CCDC9: variants seen among roughly 807,000 people sequenced by gnomAD.
CCDC9 encodes the protein coiled-coil domain-containing protein 9.
In CCDC9, 52 loss-of-function variants were observed where a neutral mutation model predicts 65.6. The observed-to-expected ratio is 0.79, with a 90% CI of 0.63 to 1.00. CCDC9 has a LOEUF of 1.00. CCDC9 is among the 50% of genes least tolerant of loss of function. The probability of loss-of-function intolerance (pLI) is 0.00; values close to 1 mark genes in which losing one functional copy is unlikely to be tolerated. For synonymous variants in CCDC9, 332 were observed against 280.3 expected (o/e 1.18, Z -1.84); for missense variants, 834 against 757.2 (o/e 1.10, Z -1.19).
In CCDC9 at chr19:47,271,905, G is replaced by A; in HGVS notation, c.*227G>A. On this transcript the variant is annotated 3_prime_UTR_variant, in exon 12 of 12. Transcript: ENST00000221922. ...TCTGGAATGTCCACTCCCAGAGCCT[G>A]CCCCAGCCCTTCGAGCCCCCTCCCC... The A allele has an allele frequency of 1.5e-6, 2 of 1,307,522 alleles. No individual in the cohort carries two copies. The highest frequency in any genetic ancestry group is 1.9e-6 in the Non-Finnish European group (2 of 1,030,598). 81.0% of individuals were successfully genotyped at this position (1,307,522 alleles called of 1,614,324 possible). A position where few individuals can be genotyped will look rare whatever the true frequency, so the allele number is the denominator to read the frequency against.
At position 47,264,832 on chromosome 19, in the gene CCDC9, C is replaced by G; in HGVS notation, c.606C>G (p.Ser202Arg). 1 of 1,553,762 alleles carries G rather than the reference C, an allele frequency of 6.4e-7. No individual in the cohort carries two copies. The highest frequency in any genetic ancestry group is 1.2e-5 in the South Asian group (1 of 81,512). ...TCCTGGACGACCCCCGGCGACGCAG[C>G]GGGCCCCTGGAGGAGTCTGAGCGGG... The part of the protein sequence containing the change: ...RNFLDDPRRR[S>R]GPLEESERDR... Residue 202 changes from serine to arginine, a missense_variant, in exon 7 of 12, where the codon AGC becomes AGG. Coordinates refer to ENST00000221922, the MANE Select transcript of CCDC9 (RefSeq NM_015603.3).
downstream of CCDC9, chr19:47,275,110 CCGCCGGCCCACAGCCCAGCG>C (rs1054107324): frequency 7.4e-6 from 11 of 1,493,892 alleles, no homozygotes; most frequent in Admixed American, 6.7e-5. Context: ...CCCGCGGCAC[CCGCCGGCCCACAGCCCAGCG>C]CGCCGTCCCC....
At chr19:47,270,487 G>T (rs1568641327) in intron 9 of CCDC9, 34 bp downstream of exon 9, 1 of 1,614,188 alleles carries the variant, frequency 6.2e-7, no homozygotes. Context: ...CTGAGGCTCG[G>T]TCTGGGAGTC....
chr19:47,275,162 C>T, downstream of CCDC9: 4 of 1,477,904 alleles, frequency 2.7e-6, no homozygotes, highest in Non-Finnish European at 3.6e-6. Flanking sequence ...CCCGCCCGGG[C>T]GTGCCGCCTG....
chr19:47,275,155 G>T (rs1055218), downstream of CCDC9: 491,968 of 1,481,784 alleles, frequency 0.33, 84,067 homozygotes, highest in East Asian at 0.6. Flanking sequence ...TGTGCTGCCC[G>T]CCCGGGCGTG....
chr19:47,271,997 CT>C (rs2059127384), downstream of CCDC9: 2 of 1,244,910 alleles, frequency 1.6e-6, no homozygotes, highest in African/African-American at 1.5e-5. Context: ...TCAACTCCCC[CT>C]GGGCCTTCTC....
chr19:47,259,796 G>A lies in CCDC9; in HGVS notation c.109-525G>A, dbSNP rs2059033035. Among the ~76,000 whole-genome samples the A allele has an allele frequency of 2.6e-5, 4 of 152,352 alleles. No homozygotes were observed. In the South Asian group the frequency reaches 6.2e-4, roughly 24 times the overall value. ...CCGTAGTGGAGGAAGCAGACAGTGA[G>A]CGAGACGCATATGGTGCTGGGTGCA... On this transcript the variant is annotated intron_variant, in intron 3 of 11. Coordinates refer to ENST00000221922, the MANE Select transcript of CCDC9 (RefSeq NM_015603.3).
intron 5 of CCDC9, 54 bp from the exon 6 acceptor site, chr19:47,264,549 C>A (rs563354885): frequency 6.6e-7 from 1 of 1,512,336 alleles, no homozygotes; most frequent in African/African-American, 1.4e-5. Flanking sequence ...TCTCCTGCAC[C>A]GGCAGCTTAA....
At chr19:47,259,987 C>T (rs1359381158) in intron 3 of CCDC9, among the ~76,000 whole-genome samples, 1 of 152,166 alleles carries the variant, frequency 6.6e-6, no homozygotes, top group Non-Finnish European at 1.5e-5. Flanking sequence ...CGCAAAGCCC[C>T]TGAGGCAGGT....
intron 7 of CCDC9, among the ~76,000 whole-genome samples, chr19:47,265,976 G>A (rs1382779493): frequency 2.0e-4 from 24 of 122,342 alleles, no homozygotes; most frequent in African/African-American, 4.6e-4. Context: ...GTGAGCCACC[G>A]CTCCTGGCTT....
chr19:47,258,535 C>G (rs767195152), intron 2 of CCDC9, 24 bp from the exon 3 acceptor site: 2 of 1,608,154 alleles, frequency 1.2e-6, no homozygotes, highest in African/African-American at 1.3e-5. Context: ...TTCCTTCCAT[C>G]CCTCAACTGC....
At chr19:47,274,889 TCTGCGGCGCGGAGCCGAGTGGG>T (rs2123496627), downstream of CCDC9, 1 of 1,241,220 alleles carries the variant, frequency 8.1e-7, no homozygotes, top group South Asian at 3.1e-5. Flanking sequence ...GCCTGTGCGG[TCTGCGGCGCGGAGCCGAGTGGG>T]CTGCGGGGAT....
intron 8 of CCDC9, among the ~76,000 whole-genome samples, chr19:47,269,627 C>T (rs139802453): frequency 1.2e-3 from 190 of 152,280 alleles, no homozygotes; most frequent in African/African-American, 4.4e-3. Flanking sequence ...CGTGAGCCAC[C>T]GTGCCCGGCC....
intron 3 of CCDC9, among the ~76,000 whole-genome samples, chr19:47,259,408 G>A (rs1018208171): frequency 1.3e-5 from 2 of 152,084 alleles, no homozygotes; most frequent in South Asian, 4.1e-4. Context: ...TGGGTGCGAG[G>A]AGGTGATACT....
Position 47,271,094 on chromosome 19 carries a change from C to T in CCDC9, c.1098C>T (p.Asp366=). Residue 366 remains aspartate, a synonymous_variant, in exon 11 of 12, where the codon GAC becomes GAT. Transcript: ENST00000221922. Reference sequence around the variant, plus strand: ...CTGTTCCCTCTAGTGACCATGATGACCGCTGGGAGACAAAAGAAGGGGCAG... The same window carrying T: ...CTGTTCCCTCTAGTGACCATGATGATCGCTGGGAGACAAAAGAAGGGGCAG... The part of the protein sequence containing the change: ...AAPRAYSDHD[D]RWETKEGAAS... 1 of 1,554,230 alleles carries T rather than the reference C, an allele frequency of 6.4e-7. No homozygotes were observed. The highest frequency in any genetic ancestry group is 8.7e-7 in the Non-Finnish European group (1 of 1,150,490).
In CCDC9 at chr19:47,268,341, C is replaced by T. The variant is rs145381238; in HGVS notation, c.902+1549C>T. Among the ~76,000 whole-genome samples, 3 of 152,250 alleles carry T rather than the reference C, an allele frequency of 2.0e-5. No individual in the cohort carries two copies. The East Asian group carries it at 5.8e-4, about 29-fold the overall frequency. On this transcript the variant is annotated intron_variant, in intron 8 of 11. Coordinates refer to ENST00000221922, the MANE Select transcript of CCDC9 (RefSeq NM_015603.3). ...CAGCAACTTTAGGTTTTACCTCATC[C>T]CCCATTCTTTCCTGTGTTGAAAGTT...
chr19:47,274,970 G>C (rs564593706), downstream of CCDC9: 1 of 1,442,256 alleles, frequency 6.9e-7, no homozygotes, highest in Non-Finnish European at 9.1e-7. Context: ...CCGGAGGCGC[G>C]GGGCTGAGCG....
chr19:47,264,865 G>A lies in CCDC9; in HGVS notation c.639G>A (p.Arg213=). 2 of 1,497,630 alleles carry A rather than the reference G, an allele frequency of 1.3e-6. No individual in the cohort carries two copies. Among genetic ancestry groups the A allele is most frequent in the Non-Finnish European group, 1.8e-6 (2 of 1,125,622 alleles). 92.8% of individuals were successfully genotyped at this position (1,497,630 alleles called of 1,614,324 possible). ...GPLEESERDR[R]EESRRHGRNW... ...TGGAGGAGTCTGAGCGGGACCGCCG[G>A]GAGGAGAGCCGCCGGCACGGCCGCA... The change falls in exon 7 of 12, where the codon CGG becomes CGA. Residue 213 remains arginine (R), a synonymous_variant. Coordinates refer to ENST00000221922, the MANE Select transcript of CCDC9 (RefSeq NM_015603.3).
At chr19:47,260,245 A>T in intron 3 of CCDC9, 76 bp from the exon 4 acceptor site, 1 of 1,044,010 alleles carries the variant, frequency 9.6e-7, no homozygotes. Context: ...CAGACTTAGG[A>T]GGAGTTCAGG....
Sources: gnomAD v4.1 joint callset for allele counts (sites outside exome capture counted in the v4.1 genomes callset) on GRCh38, gnomAD v4.1.1 for gene constraint, MANE v1.5 for transcripts, NCBI Gene and HGNC (gene_info 2026-07-23, HGNC 2026-07-21) for gene names.